The following SEMA5A variants were observed in gnomAD, a reference collection of about 807,000 sequenced individuals.
SEMA5A encodes semaphorin 5A.
Under a neutral mutation model 135.5 loss-of-function variants are expected in SEMA5A, and 55 were observed. That is an observed-to-expected ratio of 0.41 (90% CI 0.33 to 0.51). SEMA5A has a LOEUF of 0.51. Among genes scored for constraint, SEMA5A ranks in the 20% least tolerant of loss-of-function variants. The probability of loss-of-function intolerance (pLI) is 0.37; values close to 1 mark genes in which losing one functional copy is unlikely to be tolerated. For synonymous variants in SEMA5A, 580 were observed against 546.5 expected (o/e 1.06, Z -0.85); for missense variants, 1,290 against 1,419.9 (o/e 0.91, Z 1.47).
At chr5:9,499,947 A>G (rs1735496717) in intron 1 of SEMA5A, among the ~76,000 whole-genome samples, 1 of 152,190 alleles carries the variant, frequency 6.6e-6, no homozygotes, top group Non-Finnish European at 1.5e-5. Context: ...GAAAAAAAAA[A>G]GGTTTTATTT....
At chr5:9,237,753 C>T (rs1413809359) in intron 6 of SEMA5A, 75 bp downstream of exon 6, 2 of 1,333,198 alleles carry the variant, frequency 1.5e-6, no homozygotes, top group African/African-American at 1.4e-5. Context: ...GAATACTCTT[C>T]ATATCAACAT....
At chr5:9,227,090 A>C in intron 6 of SEMA5A, 123 bp from the exon 7 acceptor site, 1 of 390,376 alleles carries the variant, frequency 2.6e-6, no homozygotes, top group South Asian at 1.1e-4. Context: ...ATAAATATGT[A>C]AGCCATTAAT....
intron 3 of SEMA5A, among the ~76,000 whole-genome samples, chr5:9,341,656 T>A (rs1177881941): frequency 1.3e-5 from 1 of 76,898 alleles, no homozygotes; most frequent in Non-Finnish European, 3.3e-5. Context: ...TATATATATA[T>A]AATATATATA....
At chr5:9,491,028 A>G (rs1451970690) in intron 1 of SEMA5A, among the ~76,000 whole-genome samples, 1 of 152,120 alleles carries the variant, frequency 6.6e-6, no homozygotes, top group Admixed American at 6.5e-5. Context: ...CATGGGCAAA[A>G]ACAGATAAAA....
At chr5:9,079,466 T>A (rs1738249610) in intron 16 of SEMA5A, among the ~76,000 whole-genome samples, 1 of 151,908 alleles carries the variant, frequency 6.6e-6, no homozygotes, top group Non-Finnish European at 1.5e-5. Flanking sequence ...GTAGGAAGGA[T>A]CTAAAATTGA....
At chr5:9,436,018 G>C (rs1480764502) in intron 2 of SEMA5A, among the ~76,000 whole-genome samples, 1 of 152,134 alleles carries the variant, frequency 6.6e-6, no homozygotes, top group African/African-American at 2.4e-5. Flanking sequence ...TTTCTGTAAA[G>C]GTTAAGAAGA....
intron 5 of SEMA5A, among the ~76,000 whole-genome samples, chr5:9,283,710 CA>C (rs1408500932): frequency 2.3e-4 from 35 of 152,308 alleles, no homozygotes; most frequent in African/African-American, 8.2e-4. Context: ...CTTGGCTGGG[CA>C]AAGTAGCTAC....
rs2277057 is a variant in SEMA5A at position 9,108,302 on chromosome 5, C to A, written c.1926-15G>T. 5.0e-6 allele frequency: 8 copies of A among 1,613,152 alleles called. No individual in the cohort carries two copies. The East Asian group carries it at 1.8e-4, about 36-fold the overall frequency. ...CATTGCAGTATCTGTAATGAGGAAA[C>A]CAAAATGACAAGGAAACTAATTAGT... is the stretch of plus-strand genomic sequence containing the variant. On this transcript the variant is annotated splice_polypyrimidine_tract_variant and intron_variant, in intron 15 of 22. Coordinates refer to ENST00000382496, the MANE Select transcript of SEMA5A (RefSeq NM_003966.3).
chr5:9,488,622 C>T (rs1267038934), intron 1 of SEMA5A, among the ~76,000 whole-genome samples: 1 of 152,136 alleles, frequency 6.6e-6, no homozygotes, highest in Admixed American at 6.5e-5. Flanking sequence ...ACTTTGTCCT[C>T]AAGTTAATCA....
intron 14 of SEMA5A, among the ~76,000 whole-genome samples, chr5:9,121,795 C>G (rs1740826036): frequency 6.6e-6 from 1 of 152,172 alleles, no homozygotes; most frequent in Non-Finnish European, 1.5e-5. Context: ...GCCTTTTGCT[C>G]CTGCACTTTA....
intron 10 of SEMA5A, among the ~76,000 whole-genome samples, chr5:9,190,873 G>A (rs1745073004): frequency 6.6e-6 from 1 of 152,172 alleles, no homozygotes; most frequent in Admixed American, 6.5e-5. Context: ...AACAATCAAG[G>A]ATCTCATATA....
rs372781076 is a variant in SEMA5A, at chr5:9,448,622, G to A, written c.-174-10770C>T. ...CATTGAGATAGTAACACCTCTCCTC[G>A]TGGTACCTGTGAAGTTTATTTATGA... On this transcript the variant is annotated intron_variant, in intron 1 of 22. Transcript: ENST00000382496. Among the ~76,000 whole-genome samples, 8 of 152,288 alleles carry A rather than the reference G, an allele frequency of 5.3e-5. No homozygotes were observed. The East Asian group carries it at 1.2e-3, about 22-fold the overall frequency.
At chr5:9,430,692 C>A (rs1757826560) in intron 2 of SEMA5A, among the ~76,000 whole-genome samples, 1 of 152,102 alleles carries the variant, frequency 6.6e-6, no homozygotes, top group African/African-American at 2.4e-5. Flanking sequence ...GCCTCGACTG[C>A]TGGATTTAGC....
chr5:9,488,571 T>C (rs1561292917), intron 1 of SEMA5A, among the ~76,000 whole-genome samples: 1 of 152,186 alleles, frequency 6.6e-6, no homozygotes, highest in African/African-American at 2.4e-5. Context: ...TCTGTATCTA[T>C]TGAACATTGA....
intron 20 of SEMA5A, 24 bp downstream of exon 20, chr5:9,051,849 A>C (rs1258706915): frequency 5.6e-6 from 9 of 1,613,702 alleles, no homozygotes; most frequent in African/African-American, 4.0e-5. Context: ...TTTTATTCTT[A>C]CTGATAAATA....
At chr5:9,450,293 G>A (rs531062761) in intron 1 of SEMA5A, among the ~76,000 whole-genome samples, 3 of 152,256 alleles carry the variant, frequency 2.0e-5, no homozygotes, top group Non-Finnish European at 4.4e-5. Context: ...CTTCCCCTTA[G>A]AAATATAAAC....
chr5:9,410,117 C>A (rs1317973547), intron 2 of SEMA5A, among the ~76,000 whole-genome samples: 1 of 151,976 alleles, frequency 6.6e-6, no homozygotes, highest in African/African-American at 2.4e-5. Context: ...TTTCTCAGTA[C>A]CTGTAATTTG....
At chr5:9,332,108 G>T (rs927994563) in intron 4 of SEMA5A, among the ~76,000 whole-genome samples, 5 of 149,534 alleles carry the variant, frequency 3.3e-5, no homozygotes, top group Non-Finnish European at 5.9e-5. Context: ...AGTACAAGGT[G>T]TGTAGTTATA....
intron 6 of SEMA5A, among the ~76,000 whole-genome samples, chr5:9,233,614 C>T (rs1026432737): frequency 3.3e-5 from 5 of 152,112 alleles, no homozygotes; most frequent in African/African-American, 1.2e-4. Flanking sequence ...CAAACCTGGC[C>T]CAAATAAAAA....
Sources: gnomAD v4.1 joint callset for allele counts (sites outside exome capture counted in the v4.1 genomes callset) on GRCh38, gnomAD v4.1.1 for gene constraint, MANE v1.5 for transcripts, NCBI Gene and HGNC (gene_info 2026-07-23, HGNC 2026-07-21) for gene names.